PVT1: variants seen among roughly 807,000 people sequenced by gnomAD.
PVT1 encodes CXCR4/PVT1 fusion.
At chr8:127,818,474 C>T (rs922553655) in intron 2 of PVT1, among the ~76,000 whole-genome samples, 1 of 152,176 alleles carries the variant, frequency 6.6e-6, no homozygotes, top group Non-Finnish European at 1.5e-5. Flanking sequence ...CCCGGTTCAT[C>T]AGCAGGATTT....
At chr8:127,830,578 G>C (rs1199999748) in intron 2 of PVT1, among the ~76,000 whole-genome samples, 1 of 152,096 alleles carries the variant, frequency 6.6e-6, no homozygotes, top group East Asian at 1.9e-4. Flanking sequence ...GAAAATAAGG[G>C]AATCAAGAAT....
intron 4 of PVT1, among the ~76,000 whole-genome samples, chr8:128,057,717 C>G (rs190520317): frequency 3.7e-4 from 56 of 152,320 alleles, no homozygotes; most frequent in Non-Finnish European, 6.6e-4. Flanking sequence ...GTTTAAATTC[C>G]AGGTCGTCAT....
At chr8:127,990,285 C>T (rs987195369) in intron 4 of PVT1, among the ~76,000 whole-genome samples, 19 of 152,164 alleles carry the variant, frequency 1.2e-4, no homozygotes, top group African/African-American at 4.3e-4. Flanking sequence ...GTCCCTTGCC[C>T]CTTCCCCTGC....
At chr8:127,909,029 C>G (rs960407167) in intron 3 of PVT1, among the ~76,000 whole-genome samples, 1 of 152,104 alleles carries the variant, frequency 6.6e-6, no homozygotes, top group Non-Finnish European at 1.5e-5. Flanking sequence ...CCACGTGGCC[C>G]CTGCCATTTA....
intron 2 of PVT1, among the ~76,000 whole-genome samples, chr8:127,840,888 C>G (rs1378958291): frequency 1.3e-5 from 2 of 152,208 alleles, no homozygotes; most frequent in Non-Finnish European, 1.5e-5. Context: ...GGAGAACACA[C>G]TTGAGTGGGA....
intron 3 of PVT1, among the ~76,000 whole-genome samples, chr8:127,903,880 A>G (rs771216722): frequency 1.3e-5 from 2 of 151,988 alleles, no homozygotes; most frequent in Non-Finnish European, 2.9e-5. Flanking sequence ...CTTTGTTCTT[A>G]TTTCTTAGAA....
intron 3 of PVT1, among the ~76,000 whole-genome samples, chr8:127,900,798 C>A (rs1402039609): frequency 6.6e-6 from 1 of 152,246 alleles, no homozygotes; most frequent in African/African-American, 2.4e-5. Context: ...TGCCACATCA[C>A]TCTCCAGTTG....
chr8:127,929,086 T>A (rs908669567), intron 3 of PVT1, among the ~76,000 whole-genome samples: 2 of 152,096 alleles, frequency 1.3e-5, no homozygotes, highest in African/African-American at 4.8e-5. Context: ...ATATGTATTG[T>A]ACTTTGGGAC....
chr8:128,033,057 G>GATC (rs888539211), intron 4 of PVT1, among the ~76,000 whole-genome samples: 1 of 152,186 alleles, frequency 6.6e-6, no homozygotes, highest in African/African-American at 2.4e-5. Flanking sequence ...GTTTGCACTT[G>GATC]ATCACAGGTG....
At chr8:127,796,278 C>T (rs1029056674) in intron 2 of PVT1, among the ~76,000 whole-genome samples, 1 of 151,938 alleles carries the variant, frequency 6.6e-6, no homozygotes, top group African/African-American at 2.4e-5. Context: ...CTTTCCTTTT[C>T]CTCTGTCTTA....
intron 3 of PVT1, among the ~76,000 whole-genome samples, chr8:127,970,611 T>C (rs540220284): frequency 2.0e-5 from 3 of 152,238 alleles, no homozygotes; most frequent in South Asian, 2.1e-4. Flanking sequence ...CTTGTTTTTT[T>C]ACTAGCCGTC....
intron 2 of PVT1, among the ~76,000 whole-genome samples, chr8:127,822,388 C>A (rs1814743468): frequency 6.6e-6 from 1 of 152,118 alleles, no homozygotes; most frequent in Admixed American, 6.5e-5. Flanking sequence ...ACCAGCCTGG[C>A]CAGCATGGTG....
At chr8:127,849,485 A>T (rs1200172572) in intron 2 of PVT1, among the ~76,000 whole-genome samples, 1 of 151,176 alleles carries the variant, frequency 6.6e-6, no homozygotes. Context: ...CCTATGAAAA[A>T]CTCCTAGGGC....
intron 3 of PVT1, among the ~76,000 whole-genome samples, chr8:127,909,717 G>C (rs984355619): frequency 2.0e-5 from 3 of 152,158 alleles, no homozygotes; most frequent in Non-Finnish European, 4.4e-5. Flanking sequence ...ACAGGGTAGG[G>C]TGTAGGGGTC....
chr8:128,084,978 G>C (rs79219878), intron 5 of PVT1, among the ~76,000 whole-genome samples: 2,040 of 152,280 alleles, frequency 0.013, 23 homozygotes, highest in South Asian at 0.031. Context: ...TCAGAACGAG[G>C]TTCCCATCTG....
At chr8:127,855,489 G>C (rs535677446) in intron 2 of PVT1, among the ~76,000 whole-genome samples, 1 of 152,168 alleles carries the variant, frequency 6.6e-6, no homozygotes, top group Non-Finnish European at 1.5e-5. Context: ...AGGTGGCTTT[G>C]GGGGGGACAT....
chr8:128,034,248 T>A (rs546606486), intron 4 of PVT1, among the ~76,000 whole-genome samples: 17 of 151,750 alleles, frequency 1.1e-4, no homozygotes, highest in Admixed American at 9.9e-4. Context: ...AATCCAGGGA[T>A]GTATTTATTT....
chr8:127,812,211 A>G (rs899418376), intron 2 of PVT1, among the ~76,000 whole-genome samples: 1 of 128,884 alleles, frequency 7.8e-6, no homozygotes, highest in Non-Finnish European at 1.6e-5. Flanking sequence ...AGGAAGGAGG[A>G]AAGGCAGGAA....
At chr8:127,806,769 AGTGTCCTATAAAT>A (rs1814533920) in intron 2 of PVT1, among the ~76,000 whole-genome samples, 1 of 152,122 alleles carries the variant, frequency 6.6e-6, no homozygotes, top group African/African-American at 2.4e-5. Flanking sequence ...CCTTTTTCAG[AGTGTCCTATAAAT>A]GGATTCATAC....
Sources: allele counts gnomAD v4.1 joint callset (sites outside exome capture counted in the v4.1 genomes callset), GRCh38; gene constraint gnomAD v4.1.1; transcripts MANE v1.5; gene names NCBI Gene and HGNC (gene_info 2026-07-23, HGNC 2026-07-21).